Variants in INPP4B observed in about 807,000 individuals in gnomAD.
The protein encoded by INPP4B is inositol polyphosphate-4-phosphatase type II B, also known as inositol polyphosphate 4-phosphatase type II.
INPP4B carries 55 observed loss-of-function variants against 122.5 expected under a neutral mutation model. That is an observed-to-expected ratio of 0.45 (90% confidence interval 0.36 to 0.56). The LOEUF (loss-of-function observed/expected upper bound fraction) is 0.56, where lower values mean the gene tolerates loss of function less well. Ranked by LOEUF, INPP4B falls within the 20% of genes least tolerant of loss-of-function variation. The probability of loss-of-function intolerance (pLI) is 0.00; values close to 1 mark genes in which losing one functional copy is unlikely to be tolerated. For synonymous variants in INPP4B, 403 were observed against 388.7 expected (o/e 1.04, Z -0.43); for missense variants, 1,000 against 1,097.7 (o/e 0.91, Z 1.26).
chr4:142,291,709 G>T (rs558697176), intron 9 of INPP4B, among the ~76,000 whole-genome samples: 1 of 152,202 alleles, frequency 6.6e-6, no homozygotes, highest in African/African-American at 2.4e-5. Context: ...TCTCTATAGG[G>T]AAGGCATTAG....
rs1809254574 is a variant in INPP4B, at chr4:142,431,347, C to T, written c.-88G>A. 1 of 884,370 alleles carries T rather than the reference C, an allele frequency of 1.1e-6. No individual in the cohort carries two copies. The allele number at this position is 884,370 out of a possible 1,614,324, so 54.8% of individuals were successfully genotyped here. On this transcript the variant is annotated 5_prime_UTR_variant, in exon 4 of 26. Transcript: ENST00000262992. ...TCCTGGTTTAATGTAGATGTATCTTCACACTAAAGATCTGATATCCCACTC... is the reference window on the plus strand; with the variant it reads ...TCCTGGTTTAATGTAGATGTATCTTTACACTAAAGATCTGATATCCCACTC...
intron 8 of INPP4B, among the ~76,000 whole-genome samples, chr4:142,312,510 T>C (rs1282926738): frequency 6.6e-6 from 1 of 152,222 alleles, no homozygotes; most frequent in Non-Finnish European, 1.5e-5. Context: ...TCATTGAATA[T>C]GATCCAGTGC....
intron 7 of INPP4B, among the ~76,000 whole-genome samples, chr4:142,361,292 A>G (rs558013547): frequency 2.0e-4 from 31 of 152,152 alleles, no homozygotes; most frequent in African/African-American, 7.2e-4. Flanking sequence ...AAAACCCTTT[A>G]TGAAGTGGCC....
chr4:142,367,470 C>T (rs185376356), intron 7 of INPP4B, among the ~76,000 whole-genome samples: 2 of 152,084 alleles, frequency 1.3e-5, no homozygotes, highest in African/African-American at 4.8e-5. Flanking sequence ...AGGGCTGATA[C>T]TTCTTTATTA....
At chr4:142,160,614 G>A in intron 16 of INPP4B, 53 bp from the exon 17 acceptor site, 1 of 1,393,426 alleles carries the variant, frequency 7.2e-7, no homozygotes, top group South Asian at 1.4e-5. Flanking sequence ...TCTCAGCATA[G>A]AGCTGTGAAA....
chr4:142,732,028 A>T lies in INPP4B; in HGVS notation c.-253-6127T>A, dbSNP rs916162625. ...GGCCCATTATCCCCATCATCACAAG[A>T]CTATAAAAGAAAAAGCAGAAAAGGA... is the stretch of plus-strand genomic sequence containing the variant. On this transcript the variant is annotated intron_variant, in intron 1 of 25. Transcript: ENST00000262992. Among the ~76,000 whole-genome samples, 3 of 152,174 alleles carry T rather than the reference A, an allele frequency of 2.0e-5. No individual in the cohort carries two copies. The East Asian group carries it at 5.8e-4, about 29-fold the overall frequency.
intron 11 of INPP4B, among the ~76,000 whole-genome samples, chr4:142,239,217 T>C (rs908489559): frequency 2.0e-5 from 3 of 152,136 alleles, no homozygotes; most frequent in African/African-American, 7.2e-5. Flanking sequence ...GACATTATCA[T>C]TATCAAAATT....
intron 9 of INPP4B, among the ~76,000 whole-genome samples, chr4:142,277,695 A>ACACT (rs1749248653): frequency 6.6e-6 from 1 of 151,282 alleles, no homozygotes. Context: ...ACACACACAC[A>ACACT]CACACACACA....
rs578126114 is a variant in INPP4B, at chr4:142,191,044, A to G, written c.1181+2043T>C. ...AAAAAATAGATTAAGTCAACTCTCAAGACTGAGACACAGTTCCAGACAAGA... is the reference window on the plus strand; with the variant it reads ...AAAAAATAGATTAAGTCAACTCTCAGGACTGAGACACAGTTCCAGACAAGA... On this transcript the variant is annotated intron_variant, in intron 15 of 25. Transcript: ENST00000262992. Among the ~76,000 whole-genome samples the G allele has an allele frequency of 7.2e-5, 11 of 152,282 alleles. No individual in the cohort carries two copies. The South Asian group carries it at 1.7e-3, about 23-fold the overall frequency.
intron 14 of INPP4B, among the ~76,000 whole-genome samples, chr4:142,198,892 C>T (rs956557986): frequency 6.6e-6 from 1 of 151,906 alleles, no homozygotes; most frequent in South Asian, 2.1e-4. Context: ...CTGCCCTTCC[C>T]TCCTTCATTT....
chr4:142,663,251 C>T (rs998107605), intron 2 of INPP4B, among the ~76,000 whole-genome samples: 27 of 151,838 alleles, frequency 1.8e-4, no homozygotes, highest in African/African-American at 4.6e-4. Flanking sequence ...TAAAAGGTCA[C>T]GTCAGAAAAA....
chr4:142,819,654 C>T (rs545997044), intron 1 of INPP4B, among the ~76,000 whole-genome samples: 8 of 152,082 alleles, frequency 5.3e-5, no homozygotes, highest in Admixed American at 3.3e-4. Flanking sequence ...TTCTGAAGGC[C>T]GTAGTAAGTT....
chr4:142,594,357 A>C (rs1330916120), intron 2 of INPP4B, among the ~76,000 whole-genome samples: 1 of 152,226 alleles, frequency 6.6e-6, no homozygotes, highest in Admixed American at 6.5e-5. Flanking sequence ...AAAGGTTTGC[A>C]TCAATGTCCA....
intron 18 of INPP4B, among the ~76,000 whole-genome samples, chr4:142,135,924 G>T (rs886443109): frequency 2.6e-5 from 4 of 152,096 alleles, no homozygotes; most frequent in African/African-American, 7.2e-5. Context: ...AGCCTCCTGA[G>T]TATCTGGGAC....
At chr4:142,378,407 C>A (rs552646775) in intron 7 of INPP4B, among the ~76,000 whole-genome samples, 8 of 152,200 alleles carry the variant, frequency 5.3e-5, no homozygotes, top group African/African-American at 1.9e-4. Flanking sequence ...TTTTCAAGTG[C>A]CTCTTACAGT....
At chr4:142,636,485 C>T (rs1266211093) in intron 2 of INPP4B, among the ~76,000 whole-genome samples, 1 of 151,934 alleles carries the variant, frequency 6.6e-6, no homozygotes, top group Non-Finnish European at 1.5e-5. Context: ...GCAAATTTTT[C>T]CCAATTCATA....
intron 2 of INPP4B, among the ~76,000 whole-genome samples, chr4:142,642,832 G>A (rs1750831187): frequency 6.6e-6 from 1 of 152,144 alleles, no homozygotes. Flanking sequence ...GATGGGGATG[G>A]CATTGAATCT....
At chr4:142,510,289 A>G (rs931310645) in intron 2 of INPP4B, among the ~76,000 whole-genome samples, 4 of 152,192 alleles carry the variant, frequency 2.6e-5, no homozygotes, top group Non-Finnish European at 5.9e-5. Flanking sequence ...TCACTGACAA[A>G]GGAATAGCTC....
At chr4:142,553,919 G>A (rs1030473205) in intron 2 of INPP4B, among the ~76,000 whole-genome samples, 2 of 152,126 alleles carry the variant, frequency 1.3e-5, no homozygotes, top group South Asian at 4.1e-4. Flanking sequence ...GGCTGGGAGC[G>A]GTGGCTCACA....
Sources: allele counts gnomAD v4.1 joint callset (sites outside exome capture counted in the v4.1 genomes callset), GRCh38; gene constraint gnomAD v4.1.1; transcripts MANE v1.5; gene names NCBI Gene and HGNC (gene_info 2026-07-23, HGNC 2026-07-21).